EYA1: variants seen among roughly 807,000 people sequenced by gnomAD.
EYA1 encodes EYA transcriptional coactivator and phosphatase 1, also known as protein phosphatase EYA1.
A neutral mutation model predicts 82.0 loss-of-function variants in EYA1; 16 were observed. The observed-to-expected ratio is 0.20, with a 90% CI of 0.13 to 0.30. The LOEUF is 0.30. Ranked by LOEUF, EYA1 falls within the 10% of genes least tolerant of loss-of-function variation. EYA1 has a pLI of 1.00. For synonymous variants in EYA1, 261 were observed against 264.4 expected, an observed-to-expected ratio of 0.99 and a Z score of 0.12; for missense variants, 633 against 730.7, an observed-to-expected ratio of 0.87 and a Z score of 1.54.
intron 2 of EYA1, among the ~76,000 whole-genome samples, chr8:71,397,610 A>G (rs1050206692): frequency 2.0e-5 from 3 of 152,224 alleles, no homozygotes; most frequent in Non-Finnish European, 4.4e-5. Flanking sequence ...AATGTTGAAT[A>G]TTGGCCCCCA....
At chr8:71,460,426 C>A (rs1254337171) in intron 2 of EYA1, among the ~76,000 whole-genome samples, 1 of 152,172 alleles carries the variant, frequency 6.6e-6, no homozygotes, top group Non-Finnish European at 1.5e-5. Context: ...GAGCACTTAT[C>A]TTTGTCTGGA....
chr8:71,222,053 C>A (rs1809990388), intron 12 of EYA1, among the ~76,000 whole-genome samples: 1 of 152,166 alleles, frequency 6.6e-6, no homozygotes, highest in Non-Finnish European at 1.5e-5. Flanking sequence ...TGGGTCTCTT[C>A]CAAGTGCAGT....
At chr8:71,210,587 T>C (rs75128053) in intron 17 of EYA1, among the ~76,000 whole-genome samples, 1 of 152,184 alleles carries the variant, frequency 6.6e-6, no homozygotes, top group African/African-American at 2.4e-5. Flanking sequence ...CAGAAGAATA[T>C]AATGAACAGC....
intron 1 of EYA1, 146 bp from the exon 2 acceptor site, chr8:71,356,657 A>G (rs1261991524): frequency 1.5e-6 from 2 of 1,357,984 alleles, no homozygotes; most frequent in African/African-American, 1.5e-5. Context: ...TGAAAGGCAT[A>G]TTGTCTTTAA....
intron 3 of EYA1, among the ~76,000 whole-genome samples, chr8:71,334,562 G>A (rs1042441026): frequency 1.3e-5 from 2 of 152,158 alleles, no homozygotes; most frequent in African/African-American, 4.8e-5. Context: ...AGAACAGAAA[G>A]ATGTGGGGAA....
At chr8:71,474,447 A>T (rs1469425366) in intron 2 of EYA1, among the ~76,000 whole-genome samples, 1 of 152,140 alleles carries the variant, frequency 6.6e-6, no homozygotes, top group Non-Finnish European at 1.5e-5. Context: ...CATAAAGACT[A>T]CTCAGCCATC....
At chr8:71,514,734 C>A (rs1812843217) in intron 2 of EYA1, among the ~76,000 whole-genome samples, 1 of 152,150 alleles carries the variant, frequency 6.6e-6, no homozygotes, top group African/African-American at 2.4e-5. Context: ...GTCCCTCCCA[C>A]AACACGTGGG....
intron 2 of EYA1, among the ~76,000 whole-genome samples, chr8:71,418,530 T>A (rs889552234): frequency 2.0e-5 from 3 of 151,806 alleles, no homozygotes; most frequent in African/African-American, 7.3e-5. Flanking sequence ...TGGTCTTAAT[T>A]TACCTTTCCA....
intron 2 of EYA1, among the ~76,000 whole-genome samples, chr8:71,371,942 G>A (rs1018333161): frequency 6.6e-6 from 1 of 152,014 alleles, no homozygotes; most frequent in African/African-American, 2.4e-5. Context: ...AAATAGAGAA[G>A]TATAGAAAAT....
intron 2 of EYA1, among the ~76,000 whole-genome samples, chr8:71,481,818 A>G (rs2129212680): frequency 6.6e-6 from 1 of 152,268 alleles, no homozygotes; most frequent in South Asian, 2.1e-4. Context: ...CTTCTGATGG[A>G]GAAAAAGGAA....
At chr8:71,298,040 TTTG>T (rs1819780475) in intron 9 of EYA1, among the ~76,000 whole-genome samples, 1 of 152,162 alleles carries the variant, frequency 6.6e-6, no homozygotes, top group African/African-American at 2.4e-5. Flanking sequence ...CATGAAAAAT[TTTG>T]AAGACTTTTG....
At chr8:71,225,569 G>A (rs2128872620) in intron 12 of EYA1, among the ~76,000 whole-genome samples, 1 of 152,234 alleles carries the variant, frequency 6.6e-6, no homozygotes, top group Non-Finnish European at 1.5e-5. Flanking sequence ...AGACACACCT[G>A]GACAAATATA....
chr8:71,279,980 A>G (rs1817635192), intron 9 of EYA1, among the ~76,000 whole-genome samples: 1 of 152,190 alleles, frequency 6.6e-6, no homozygotes, highest in Admixed American at 6.5e-5. Context: ...CTCTGCTGTC[A>G]TAGCAGCACA....
At chr8:71,530,990 C>T (rs1444542828) in intron 2 of EYA1, 1 of 152,150 alleles carries the variant, frequency 6.6e-6, no homozygotes, top group Non-Finnish European at 1.5e-5. Flanking sequence ...CAAAATGCTC[C>T]TTTTAGAGTC....
intron 4 of EYA1, among the ~76,000 whole-genome samples, chr8:71,329,504 C>T (rs1823562855): frequency 1.3e-5 from 2 of 152,114 alleles, no homozygotes; most frequent in Non-Finnish European, 2.9e-5. Context: ...ACTGTCCATC[C>T]TATTCTCTGT....
chr8:71,406,665 C>G (rs1586652122), intron 2 of EYA1, among the ~76,000 whole-genome samples: 1 of 152,316 alleles, frequency 6.6e-6, no homozygotes, highest in African/African-American at 2.4e-5. Context: ...GCTTTTCAGA[C>G]TGGCTTAAAA....
intron 2 of EYA1, among the ~76,000 whole-genome samples, chr8:71,373,602 T>C (rs532829252): frequency 6.6e-6 from 1 of 152,224 alleles, no homozygotes; most frequent in African/African-American, 2.4e-5. Context: ...CTGTCAAAAT[T>C]GTAATGGCAT....
At chr8:71,233,446 C>G (rs1453389005) in intron 12 of EYA1, among the ~76,000 whole-genome samples, 1 of 151,736 alleles carries the variant, frequency 6.6e-6, no homozygotes, top group East Asian at 1.9e-4. Context: ...CGCCTGTATT[C>G]CCAGCTACTC....
At position 71,215,629 on chromosome 8, in the gene EYA1, G is replaced by A. The variant is rs139717960; in HGVS notation, c.1460C>T (p.Ser487Leu). 1.2e-3 allele frequency: 2,004 copies of A among 1,614,036 alleles called. 2 individuals carry two copies. The highest frequency in any genetic ancestry group is 1.6e-3 in the Non-Finnish European group (1,853 of 1,179,916). ...AGAGCCTCACCGGGAGTGAATGAGC[G>A]AGAGTGCTTTCAGGGCCAGTGTCAA... ...SWLTLALKALSLIHSRTNCVN... is the reference protein window; with the variant it reads ...SWLTLALKALLLIHSRTNCVN... The change falls in exon 15 of 18, where the codon TCG becomes TTG. Residue 487 changes from serine (S) to leucine (L), a missense_variant. Transcript: ENST00000340726.
Sources: allele counts gnomAD v4.1 joint callset (sites outside exome capture counted in the v4.1 genomes callset), GRCh38; gene constraint gnomAD v4.1.1; transcripts MANE v1.5; gene names NCBI Gene and HGNC (gene_info 2026-07-23, HGNC 2026-07-21).